Variants in NRG3 observed in about 807,000 individuals in gnomAD.
NRG3 encodes the protein pro-neuregulin-3, membrane-bound isoform.
Under a neutral mutation model 66.9 loss-of-function variants are expected in NRG3, and 31 were observed. That is an observed-to-expected ratio of 0.46 (90% CI 0.35 to 0.63). The LOEUF is 0.63. Among genes scored for constraint, NRG3 ranks in the 20% least tolerant of loss-of-function variants. The pLI is 0.00. For synonymous variants in NRG3, 393 were observed against 359.4 expected, an observed-to-expected ratio of 1.09 and a Z score of -1.06; for missense variants, 910 against 878.9, an observed-to-expected ratio of 1.04 and a Z score of -0.45.
intron 1 of NRG3, among the ~76,000 whole-genome samples, chr10:81,999,958 T>A (rs940984451): frequency 2.0e-5 from 3 of 152,196 alleles, no homozygotes; most frequent in African/African-American, 7.2e-5. Flanking sequence ...ATTAACTTCC[T>A]TTGCTGATAT....
intron 2 of NRG3, among the ~76,000 whole-genome samples, chr10:82,652,465 C>T (rs1376956479): frequency 6.6e-6 from 1 of 152,086 alleles, no homozygotes; most frequent in African/African-American, 2.4e-5. Flanking sequence ...GAAGACTGGC[C>T]ATCTCCAGAT....
At chr10:82,469,487 G>A (rs1048005457) in intron 2 of NRG3, among the ~76,000 whole-genome samples, 1 of 152,156 alleles carries the variant, frequency 6.6e-6, no homozygotes, top group Non-Finnish European at 1.5e-5. Flanking sequence ...GGTGGTCATG[G>A]TGGCGTGGTG....
At chr10:82,393,427 A>G (rs1243951138) in intron 2 of NRG3, among the ~76,000 whole-genome samples, 1 of 152,186 alleles carries the variant, frequency 6.6e-6, no homozygotes, top group African/African-American at 2.4e-5. Flanking sequence ...GGCTGTTCCA[A>G]TATGACTGAT....
chr10:81,948,022 C>T (rs1849003199), intron 1 of NRG3, among the ~76,000 whole-genome samples: 1 of 152,130 alleles, frequency 6.6e-6, no homozygotes, highest in Admixed American at 6.6e-5. Context: ...GGTAAGTGCT[C>T]CTTGTCTGAA....
At chr10:82,632,335 A>T (rs983507882) in intron 2 of NRG3, among the ~76,000 whole-genome samples, 1 of 152,210 alleles carries the variant, frequency 6.6e-6, no homozygotes, top group South Asian at 2.1e-4. Context: ...TACATAAGAC[A>T]TCCAAATGCT....
intron 2 of NRG3, among the ~76,000 whole-genome samples, chr10:82,491,975 T>C (rs1843186042): frequency 6.6e-6 from 1 of 152,192 alleles, no homozygotes; most frequent in Non-Finnish European, 1.5e-5. Flanking sequence ...TTTACTCTAA[T>C]TGCCCTAAGA....
intron 2 of NRG3, among the ~76,000 whole-genome samples, chr10:82,479,774 T>C (rs539531720): frequency 6.6e-6 from 1 of 151,498 alleles, no homozygotes; most frequent in Non-Finnish European, 1.5e-5. Flanking sequence ...GAGACCATCC[T>C]GGCTAACATG....
intron 1 of NRG3, among the ~76,000 whole-genome samples, chr10:82,033,896 A>C (rs1255870356): frequency 6.6e-6 from 1 of 152,152 alleles, no homozygotes; most frequent in Non-Finnish European, 1.5e-5. Context: ...TATTCTTGCA[A>C]AACTGCCTGT....
intron 2 of NRG3, among the ~76,000 whole-genome samples, chr10:82,586,753 CATCAT>C (rs2046694238): frequency 1.3e-5 from 2 of 152,088 alleles, no homozygotes; most frequent in Admixed American, 6.5e-5. Context: ...AGTAGCATGT[CATCAT>C]ATCTATACAA....
intron 4 of NRG3, among the ~76,000 whole-genome samples, chr10:82,869,798 G>A (rs768171063): frequency 1.3e-5 from 2 of 151,556 alleles, no homozygotes; most frequent in Non-Finnish European, 2.9e-5. Context: ...TAGTAGAGAC[G>A]GGGTTTTCAC....
intron 2 of NRG3, among the ~76,000 whole-genome samples, chr10:82,498,107 G>A (rs1182992767): frequency 1.5e-4 from 23 of 148,614 alleles, no homozygotes; most frequent in Admixed American, 1.5e-3. Context: ...TTTTTCTAAT[G>A]ACTTGTGTCA....
chr10:82,223,668 CACACACACACACACAT>C lies in NRG3; in HGVS notation c.824-135064_824-135049del, dbSNP rs1397762558. On this transcript the variant is annotated intron_variant, in intron 1 of 8. Coordinates refer to ENST00000372141, the MANE Select transcript of NRG3 (RefSeq NM_001010848.4). ...ACACACACACACACACACACACACA[CACACACACACACACAT>C]ACACACCACCCACGTTCTTCTGGAT... is the stretch of plus-strand genomic sequence containing the variant. Among the ~76,000 whole-genome samples the C allele has an allele frequency of 1.9e-4, 28 of 151,286 alleles. No homozygotes were observed. The East Asian group carries it at 3.9e-3, about 21-fold the overall frequency.
At chr10:81,971,311 AGGTCTTG>A (rs1457501049) in intron 1 of NRG3, among the ~76,000 whole-genome samples, 1 of 152,208 alleles carries the variant, frequency 6.6e-6, no homozygotes, top group Non-Finnish European at 1.5e-5. Flanking sequence ...AGGTGAACAG[AGGTCTTG>A]GCATATGGGT....
At chr10:82,982,920 C>T (rs889977737) in intron 8 of NRG3, among the ~76,000 whole-genome samples, 1 of 152,190 alleles carries the variant, frequency 6.6e-6, no homozygotes, top group East Asian at 1.9e-4. Flanking sequence ...ATTCCTCTTT[C>T]TCATCTAAAT....
chr10:82,413,573 A>G (rs2088289583), intron 2 of NRG3, among the ~76,000 whole-genome samples: 1 of 152,152 alleles, frequency 6.6e-6, no homozygotes, highest in Non-Finnish European at 1.5e-5. Context: ...CAAGAGAGTC[A>G]GCGGTTCCTT....
At chr10:81,971,387 T>A (rs2059927890) in intron 1 of NRG3, among the ~76,000 whole-genome samples, 1 of 152,328 alleles carries the variant, frequency 6.6e-6, no homozygotes, top group African/African-American at 2.4e-5. Context: ...TGTAAAGTAT[T>A]GTTTACCACT....
chr10:82,329,838 C>G (rs750605085), intron 1 of NRG3, among the ~76,000 whole-genome samples: 9 of 152,194 alleles, frequency 5.9e-5, no homozygotes, highest in Admixed American at 1.3e-4. Context: ...GAAGGCCACG[C>G]TCTAGGCAGT....
At chr10:82,175,738 G>A (rs908240950) in intron 1 of NRG3, among the ~76,000 whole-genome samples, 1 of 152,080 alleles carries the variant, frequency 6.6e-6, no homozygotes, top group African/African-American at 2.4e-5. Context: ...ATCCATCATT[G>A]TCTGCCCAGT....
intron 3 of NRG3, among the ~76,000 whole-genome samples, chr10:82,785,741 A>G (rs2060332632): frequency 6.6e-6 from 1 of 152,156 alleles, no homozygotes; most frequent in Admixed American, 6.6e-5. Flanking sequence ...GAAGAGAGAA[A>G]TGATTAAAGA....
Sources: allele counts gnomAD v4.1 joint callset (sites outside exome capture counted in the v4.1 genomes callset), GRCh38; gene constraint gnomAD v4.1.1; transcripts MANE v1.5; gene names NCBI Gene and HGNC (gene_info 2026-07-23, HGNC 2026-07-21).